DLEU7: variants seen among roughly 807,000 people sequenced by gnomAD.
DLEU7 encodes the protein leukemia-associated protein 7.
In DLEU7, 17 loss-of-function variants were observed where a neutral mutation model predicts 16.0. That is an observed-to-expected ratio of 1.06 (90% CI 0.73 to 1.59). DLEU7 has a LOEUF of 1.59. Among genes scored for constraint, DLEU7 ranks in the 40% most tolerant of loss-of-function variants. The pLI, the probability that DLEU7 is intolerant of heterozygous loss-of-function variation, is 0.00. For synonymous variants in DLEU7, 113 were observed against 139.8 expected (o/e 0.81, Z 1.35); for missense variants, 308 against 314.9 (o/e 0.98, Z 0.17).
intron 1 of DLEU7, among the ~76,000 whole-genome samples, chr13:50,800,670 A>G (rs1272279528): frequency 6.6e-6 from 1 of 152,128 alleles, no homozygotes; most frequent in Non-Finnish European, 1.5e-5. Context: ...GAAGACCAAA[A>G]TAATCGTGCT....
At chr13:50,749,187 A>G (rs904610536) in intron 1 of DLEU7, among the ~76,000 whole-genome samples, 13 of 152,012 alleles carry the variant, frequency 8.6e-5, no homozygotes, top group African/African-American at 2.4e-4. Context: ...ATAGTCTCCA[A>G]TCTCACCTAG....
At chr13:50,767,072 C>T (rs970396818) in intron 1 of DLEU7, among the ~76,000 whole-genome samples, 3 of 152,314 alleles carry the variant, frequency 2.0e-5, no homozygotes, top group Non-Finnish European at 4.4e-5. Flanking sequence ...ACACACTATC[C>T]CTGATGGCTT....
At chr13:50,789,051 G>A (rs190340273) in intron 1 of DLEU7, among the ~76,000 whole-genome samples, 3 of 152,122 alleles carry the variant, frequency 2.0e-5, no homozygotes, top group Admixed American at 1.3e-4. Flanking sequence ...GAGCATCGTC[G>A]TATTGCCAAA....
chr13:50,726,053 T>C lies in DLEU7; in HGVS notation c.460-12813A>G, dbSNP rs986021845. ...CAAGGATACAAAGATCAATGCAGTG[T>C]GATTCCTGCCTTCAAGGGACCTATC... On this transcript the variant is annotated intron_variant, in intron 1 of 1. Coordinates refer to the DLEU7 transcript ENST00000400393. This position sits in a 1 kb window ranked among gnomAD's most constrained non-coding sequence, Gnocchi z 4.0. 2.0e-5 allele frequency among the ~76,000 whole-genome samples: 3 copies of C among 152,244 alleles called. No homozygotes were observed. The highest frequency in any genetic ancestry group is 7.2e-5 in the African/African-American group (3 of 41,472).
At chr13:50,823,585 G>A in intron 1 of DLEU7, 65 bp from the exon 2 acceptor site, 1 of 1,504,124 alleles carries the variant, frequency 6.6e-7, no homozygotes, top group South Asian at 1.2e-5. Flanking sequence ...GTTGTACTTT[G>A]CTTACCCAGC....
intron 1 of DLEU7, among the ~76,000 whole-genome samples, chr13:50,800,140 C>T (rs1345450702): frequency 2.6e-5 from 4 of 151,836 alleles, no homozygotes; most frequent in Non-Finnish European, 4.4e-5. Flanking sequence ...TAAGAAAGCA[C>T]AAAGAAAGGA....
At chr13:50,733,179 T>C (rs968045940) in intron 1 of DLEU7, among the ~76,000 whole-genome samples, 1 of 152,164 alleles carries the variant, frequency 6.6e-6, no homozygotes, top group Non-Finnish European at 1.5e-5. Context: ...TTAAAAACAG[T>C]GATGATGCTC....
chr13:50,772,692 C>G (rs1386721801), intron 1 of DLEU7, among the ~76,000 whole-genome samples: 1 of 152,152 alleles, frequency 6.6e-6, no homozygotes, highest in Admixed American at 6.5e-5. Context: ...TCTGGCTGCC[C>G]TTAACATTTT....
chr13:50,767,128 G>A (rs1875138100), intron 1 of DLEU7, among the ~76,000 whole-genome samples: 1 of 152,176 alleles, frequency 6.6e-6, no homozygotes, highest in African/African-American at 2.4e-5. Context: ...ATTGAAGGCT[G>A]AAATGTTTAT....
chr13:50,800,674 T>C (rs1876223621), intron 1 of DLEU7, among the ~76,000 whole-genome samples: 1 of 152,066 alleles, frequency 6.6e-6, no homozygotes, highest in Admixed American at 6.6e-5. Flanking sequence ...ACCAAAATAA[T>C]CGTGCTGAAT....
downstream of DLEU7, chr13:50,711,772 C>CCGGGGGGGGGGGGGGGGGG: frequency 3.0e-4 from 22 of 72,954 alleles, no homozygotes; most frequent in South Asian, 1.8e-3. Flanking sequence ...GACCCAGTGG[C>CCGGGGGGGGGGGGGGGGGG]GGGGGCGGGG....
chr13:50,836,370 G>A (rs1877463881), intron 1 of DLEU7, among the ~76,000 whole-genome samples: 2 of 102,956 alleles, frequency 1.9e-5, no homozygotes, highest in African/African-American at 4.1e-5. Flanking sequence ...AGAAGAAAGA[G>A]AGAAAAAGGA....
intron 1 of DLEU7, among the ~76,000 whole-genome samples, chr13:50,752,767 G>A (rs922607786): frequency 2.6e-5 from 4 of 152,148 alleles, no homozygotes; most frequent in Non-Finnish European, 5.9e-5. Context: ...CATAAAGGCA[G>A]TGTGGACCCA....
intron 1 of DLEU7, among the ~76,000 whole-genome samples, chr13:50,761,287 A>G (rs1356568864): frequency 6.6e-6 from 1 of 152,228 alleles, no homozygotes; most frequent in East Asian, 1.9e-4. Flanking sequence ...GCTGAAGTTC[A>G]GCCATCGGCA....
At chr13:50,752,015 TGAG>T (rs1874580545) in intron 1 of DLEU7, among the ~76,000 whole-genome samples, 1 of 151,936 alleles carries the variant, frequency 6.6e-6, no homozygotes, top group Non-Finnish European at 1.5e-5. Context: ...TCTAGTTCCT[TGAG>T]GTGTGACTTT....
At chr13:50,805,327 A>G (rs1876358468) in intron 1 of DLEU7, among the ~76,000 whole-genome samples, 2 of 152,170 alleles carry the variant, frequency 1.3e-5, no homozygotes, top group Non-Finnish European at 2.9e-5. Context: ...TTTTTAATCT[A>G]TTAGTGTGGT....
At chr13:50,842,690 T>C (rs1426752029) in intron 1 of DLEU7, among the ~76,000 whole-genome samples, 1 of 152,212 alleles carries the variant, frequency 6.6e-6, no homozygotes, top group African/African-American at 2.4e-5. Flanking sequence ...TGTGGGGAAT[T>C]GGATTTATGC....
At chr13:50,715,028 C>T (rs557162695) in intron 1 of DLEU7, among the ~76,000 whole-genome samples, 1 of 152,076 alleles carries the variant, frequency 6.6e-6, no homozygotes, top group Non-Finnish European at 1.5e-5. Flanking sequence ...GCCTTGTTGG[C>T]GGAATTCAGT....
chr13:50,840,149 G>A (rs1410658857), intron 1 of DLEU7: 1 of 152,152 alleles, frequency 6.6e-6, no homozygotes. Context: ...CGTACTTCTA[G>A]GTGATACAAA....
Sources: gnomAD v4.1 joint callset for allele counts (sites outside exome capture counted in the v4.1 genomes callset) on GRCh38, gnomAD v4.1.1 for gene constraint, Gnocchi (gnomAD v3.1) non-coding constraint, MANE v1.5 for transcripts, NCBI Gene and HGNC (gene_info 2026-07-23, HGNC 2026-07-21) for gene names.